Variants in SNX25 observed in about 807,000 individuals in gnomAD.
The protein encoded by SNX25 is sorting nexin 25.
In SNX25, 62 loss-of-function variants were observed where a neutral mutation model predicts 113.7. The ratio of observed to expected loss-of-function variants is 0.55; its 90% CI spans 0.44 to 0.67. SNX25 has a LOEUF of 0.67. Ranked by LOEUF, SNX25 falls within the 30% of genes least tolerant of loss-of-function variation. SNX25 has a pLI of 0.00. For missense variants in SNX25, 1,014 were observed against 1,161.0 expected (o/e 0.87, Z 1.84); for synonymous variants, 421 against 436.2 (o/e 0.97, Z 0.43).
chr4:185,210,087 G>C lies in SNX25; in HGVS notation c.261G>C (p.Leu87=). The C allele has an allele frequency of 1.0e-6, 1 of 978,586 alleles. No homozygotes were observed. The highest frequency in any genetic ancestry group is 1.2e-6 in the Non-Finnish European group (1 of 824,258). The allele number at this position is 978,586 out of a possible 1,614,324, so 60.6% of individuals were successfully genotyped here. A position where few individuals can be genotyped will look rare whatever the true frequency, so the allele number is the denominator to read the frequency against. The change falls in exon 1 of 19, where the codon CTG becomes CTC. Residue 87 remains leucine (L), a synonymous_variant. Transcript: ENST00000652585. This position sits in a 1 kb window ranked among gnomAD's most constrained non-coding sequence, Gnocchi z 4.4. ...GSGEAAGAAG[L]SSVLFRLSLY... is the part of the protein sequence containing the mutation. ...GGGAGGCGGCGGGGGCCGCGGGGCTGAGCTCCGTCCTGTTCAGGCTCAGCC... is the reference window on the plus strand; with the variant it reads ...GGGAGGCGGCGGGGGCCGCGGGGCTCAGCTCCGTCCTGTTCAGGCTCAGCC...
intron 13 of SNX25, among the ~76,000 whole-genome samples, 156 bp from the exon 14 acceptor site, chr4:185,351,289 T>C (rs900776521): frequency 2.0e-5 from 3 of 152,208 alleles, no homozygotes; most frequent in African/African-American, 7.2e-5. Context: ...ATTGATCTTA[T>C]ATAGTTTGTT....
intron 5 of SNX25, among the ~76,000 whole-genome samples, chr4:185,280,869 C>A (rs1750466311): frequency 6.6e-6 from 1 of 152,188 alleles, no homozygotes; most frequent in South Asian, 2.1e-4. Context: ...GACCCAGATG[C>A]AGAGCCGCAG....
At chr4:185,302,340 CAGA>C (rs1363894261) in intron 6 of SNX25, among the ~76,000 whole-genome samples, 1 of 152,108 alleles carries the variant, frequency 6.6e-6, no homozygotes, top group Admixed American at 6.5e-5. Flanking sequence ...GCTGGTTGGT[CAGA>C]AGTTCTGGAG....
chr4:185,329,421 A>G (rs1369742367), intron 9 of SNX25, among the ~76,000 whole-genome samples: 1 of 152,026 alleles, frequency 6.6e-6, no homozygotes, highest in Non-Finnish European at 1.5e-5. Flanking sequence ...ATCCCCAGAC[A>G]AAAGACAGAG....
Position 185,269,295 on chromosome 4 carries a change from A to G in SNX25, c.1091+2140A>G, listed in dbSNP as rs543304241. Among the ~76,000 whole-genome samples the G allele has an allele frequency of 5.9e-5, 9 of 152,154 alleles. No homozygotes were observed. In the South Asian group the frequency reaches 6.2e-4, roughly 11 times the overall value. On this transcript the variant is annotated intron_variant, in intron 5 of 18. Transcript: ENST00000652585. ...CACACCCCAAACTCTAGTTGTAGGGATGCTATTCAAACCTATACTCGAATA... is the reference window on the plus strand; with the variant it reads ...CACACCCCAAACTCTAGTTGTAGGGGTGCTATTCAAACCTATACTCGAATA...
At chr4:185,230,336 C>T (rs528482011) in intron 1 of SNX25, among the ~76,000 whole-genome samples, 3 of 151,566 alleles carry the variant, frequency 2.0e-5, no homozygotes, top group African/African-American at 7.3e-5. Flanking sequence ...TACATTCAAA[C>T]AAACCTTTCT....
chr4:185,283,078 C>T (rs1166149051), intron 5 of SNX25, among the ~76,000 whole-genome samples: 1 of 152,122 alleles, frequency 6.6e-6, no homozygotes, highest in African/African-American at 2.4e-5. Flanking sequence ...CTTCAGATGC[C>T]CACTATGTGC....
intron 9 of SNX25, among the ~76,000 whole-genome samples, chr4:185,329,979 C>T (rs117322033): frequency 6.6e-6 from 1 of 152,118 alleles, no homozygotes; most frequent in African/African-American, 2.4e-5. Context: ...GAGAGAGCCT[C>T]TATCCCCAAC....
At chr4:185,373,727 C>T (rs2095423940), downstream of SNX25, among the ~76,000 whole-genome samples, 1 of 152,164 alleles carries the variant, frequency 6.6e-6, no homozygotes, top group African/African-American at 2.4e-5. Flanking sequence ...CTGTTTCAAC[C>T]ATTGATGAAA....
chr4:185,266,881 C>T (rs1212864072), intron 4 of SNX25, 88 bp from the exon 5 acceptor site: 1 of 1,332,396 alleles, frequency 7.5e-7, no homozygotes, highest in Non-Finnish European at 1.0e-6. Context: ...AAAATGTTTC[C>T]CAAATGTAGT....
At chr4:185,281,208 G>C (rs980570406) in intron 5 of SNX25, among the ~76,000 whole-genome samples, 1 of 151,832 alleles carries the variant, frequency 6.6e-6, no homozygotes, top group Non-Finnish European at 1.5e-5. Context: ...AAAAAATAAG[G>C]CTGCTTCAAA....
intron 1 of SNX25, among the ~76,000 whole-genome samples, chr4:185,242,756 G>A (rs1744259853): frequency 6.6e-6 from 1 of 152,170 alleles, no homozygotes; most frequent in Admixed American, 6.5e-5. Context: ...AGAGGCAGGG[G>A]CCCCTGAGAG....
rs1297187182 is a variant in SNX25, at chr4:185,210,922, G to A, written c.429+667G>A. Reference sequence around the variant, plus strand: ...GGCGGGGGTTAGGGAATGTAGGAAAGAACAGTGTTTTAAATGAGCGCTTCT... The same window carrying A: ...GGCGGGGGTTAGGGAATGTAGGAAAAAACAGTGTTTTAAATGAGCGCTTCT... On this transcript the variant is annotated intron_variant, in intron 1 of 18. Transcript: ENST00000652585. This position sits in a 1 kb window ranked among gnomAD's most constrained non-coding sequence, Gnocchi z 4.4. Among the ~76,000 whole-genome samples the A allele has an allele frequency of 6.6e-6, 1 of 152,136 alleles. No individual in the cohort carries two copies. The highest frequency in any genetic ancestry group is 1.5e-5 in the Non-Finnish European group (1 of 68,018).
intron 6 of SNX25, among the ~76,000 whole-genome samples, chr4:185,300,190 C>A (rs148878621): frequency 1.5e-3 from 223 of 151,650 alleles, no homozygotes; most frequent in African/African-American, 5.0e-3. Flanking sequence ...GGTGGAGCCT[C>A]GCTCTGTCGC....
chr4:185,367,300 CTTCT>C, downstream of SNX25: 2 of 1,336,506 alleles, frequency 1.5e-6, no homozygotes, highest in African/African-American at 1.6e-5. Flanking sequence ...TTGGGTCTTT[CTTCT>C]TTTTTTTTTT....
At chr4:185,282,070 T>A (rs1413784235) in intron 5 of SNX25, among the ~76,000 whole-genome samples, 1 of 152,182 alleles carries the variant, frequency 6.6e-6, no homozygotes, top group East Asian at 1.9e-4. Context: ...ACTCGTAATG[T>A]GTATGGTATT....
At chr4:185,369,703 A>G (rs1215119381) in intron 11 of SNX25, 2 of 416,434 alleles carry the variant, frequency 4.8e-6, no homozygotes, top group African/African-American at 2.1e-5. Flanking sequence ...TTTTAATTTT[A>G]AAGTAATTTA....
intron 16 of SNX25, among the ~76,000 whole-genome samples, chr4:185,360,950 T>TATATATATATAGATAG (rs1048534398): frequency 2.1e-5 from 3 of 141,820 alleles, no homozygotes; most frequent in South Asian, 2.2e-4. Context: ...TATATATATA[T>TATATATATATAGATAG]ATAGAATCTG....
At chr4:185,278,035 T>C (rs62345567) in intron 5 of SNX25, among the ~76,000 whole-genome samples, 134 of 108,850 alleles carry the variant, frequency 1.2e-3, no homozygotes, top group East Asian at 2.9e-3. Context: ...CCCGGCCTTA[T>C]TACCTTTTAA....
Sources: allele counts gnomAD v4.1 joint callset (sites outside exome capture counted in the v4.1 genomes callset), GRCh38; gene constraint gnomAD v4.1.1; non-coding constraint Gnocchi (gnomAD v3.1); transcripts MANE v1.5; gene names NCBI Gene and HGNC (gene_info 2026-07-23, HGNC 2026-07-21).